The following MPP7 variants were observed in gnomAD, a reference collection of about 807,000 sequenced individuals.
MPP7 encodes the protein MAGUK p55 scaffold protein 7, also known as MAGUK p55 subfamily member 7.
MPP7 carries 60 observed loss-of-function variants against 76.5 expected under a neutral mutation model. The observed-to-expected ratio is 0.78, with a 90% CI of 0.64 to 0.97. MPP7 has a LOEUF of 0.97. Ranked by LOEUF, MPP7 falls within the 50% of genes least tolerant of loss-of-function variation. The pLI is 0.00. For missense variants in MPP7, 641 were observed against 694.0 expected, an observed-to-expected ratio of 0.92 and a Z score of 0.86; for synonymous variants, 237 against 244.5, an observed-to-expected ratio of 0.97 and a Z score of 0.29.
chr10:28,076,999 G>A (rs1318915734), intron 12 of MPP7, among the ~76,000 whole-genome samples: 3 of 151,144 alleles, frequency 2.0e-5, no homozygotes, highest in South Asian at 2.1e-4. Context: ...TCTCAGCTCC[G>A]GAGTGACTGC....
Position 28,089,693 on chromosome 10 carries a change from T to C in MPP7, c.1101A>G (p.Lys367=). 6.2e-7 allele frequency: 1 copy of C among 1,613,592 alleles called. No individual in the cohort carries two copies. Among genetic ancestry groups the C allele is most frequent in the South Asian group, 1.1e-5 (1 of 90,974 alleles). ...VTPYRRQTNE[K]YRLVVLVGPV... is the part of the protein sequence containing the mutation. The stretch of plus-strand genomic sequence containing the variant: ...TACCAACCAAGACAACGAGTCTGTA[T>C]TTTTCATTAGTTTGTCGCCGATACG... Residue 367 remains lysine, a synonymous_variant, in exon 12 of 17, where the codon AAA becomes AAG. Transcript: ENST00000683449.
At chr10:28,257,819 A>T (rs1320570787) in intron 1 of MPP7, among the ~76,000 whole-genome samples, 1 of 151,992 alleles carries the variant, frequency 6.6e-6, no homozygotes, top group African/African-American at 2.4e-5. Context: ...CTATGTCTGT[A>T]ATAGCTACAT....
chr10:28,057,602 C>CTTTTT (rs1564608908), intron 15 of MPP7: 2 of 311,474 alleles, frequency 6.4e-6, no homozygotes, highest in African/African-American at 7.3e-5. Context: ...GCCAATTAAA[C>CTTTTT]CTCTTTTTTT....
At chr10:28,275,569 G>T (rs540678088) in intron 1 of MPP7, among the ~76,000 whole-genome samples, 6 of 152,028 alleles carry the variant, frequency 3.9e-5, no homozygotes, top group African/African-American at 9.6e-5. Flanking sequence ...ACCACGCCTG[G>T]CTAATTTTTA....
intron 14 of MPP7, among the ~76,000 whole-genome samples, chr10:28,058,938 G>A (rs940529818): frequency 1.3e-5 from 2 of 152,158 alleles, no homozygotes; most frequent in African/African-American, 4.8e-5. Context: ...GAAACTACTG[G>A]AATTTCATTG....
At chr10:28,089,492 A>G (rs575264077) in intron 12 of MPP7, among the ~76,000 whole-genome samples, 179 bp downstream of exon 12, 6 of 152,254 alleles carry the variant, frequency 3.9e-5, no homozygotes. Flanking sequence ...AAATGTCTTA[A>G]AAGTCTCTGC....
chr10:28,125,733 T>C (rs1834996879), intron 6 of MPP7, among the ~76,000 whole-genome samples: 1 of 152,208 alleles, frequency 6.6e-6, no homozygotes, highest in South Asian at 2.1e-4. Context: ...TCTTACTCCA[T>C]GGTTTTAGTG....
At chr10:28,277,349 T>C (rs533334597) in intron 1 of MPP7, among the ~76,000 whole-genome samples, 2 of 150,062 alleles carry the variant, frequency 1.3e-5, no homozygotes, top group African/African-American at 4.9e-5. Context: ...CTAATACTAA[T>C]GATAGCTGAC....
chr10:28,136,718 G>C (rs1835364923), intron 5 of MPP7, among the ~76,000 whole-genome samples: 1 of 151,986 alleles, frequency 6.6e-6, no homozygotes, highest in South Asian at 2.1e-4. Flanking sequence ...TAAGAAAAAA[G>C]TACACTGAAT....
intron 1 of MPP7, among the ~76,000 whole-genome samples, chr10:28,257,929 T>G (rs1331885720): frequency 6.6e-6 from 1 of 152,070 alleles, no homozygotes. Context: ...GGCTTCTCAA[T>G]GAGAAAAGGG....
intron 1 of MPP7, among the ~76,000 whole-genome samples, chr10:28,267,781 ATTCCAGCACT>A (rs1013512830): frequency 1.4e-4 from 21 of 152,200 alleles, no homozygotes; most frequent in African/African-American, 5.1e-4. Flanking sequence ...CACACCTGTA[ATTCCAGCACT>A]TTGGGAGGCT....
chr10:28,128,359 T>A (rs1011291237), intron 6 of MPP7, among the ~76,000 whole-genome samples: 3 of 152,048 alleles, frequency 2.0e-5, no homozygotes, highest in Non-Finnish European at 2.9e-5. Flanking sequence ...AATCTAAGAG[T>A]CTCCAATGAC....
chr10:28,291,400 G>A (rs927128645), intron 1 of MPP7, among the ~76,000 whole-genome samples: 1 of 152,184 alleles, frequency 6.6e-6, no homozygotes, highest in Non-Finnish European at 1.5e-5. Context: ...GAGGCCAGGA[G>A]ATTAAGACCA....
intron 8 of MPP7, 140 bp downstream of exon 8, chr10:28,123,891 C>T (rs1352162348): frequency 1.3e-5 from 8 of 612,602 alleles, no homozygotes; most frequent in South Asian, 9.8e-5. Context: ...AGATATTTTC[C>T]AAGAACACAC....
intron 2 of MPP7, among the ~76,000 whole-genome samples, chr10:28,230,745 G>A (rs765535092): frequency 1.3e-5 from 2 of 152,184 alleles, no homozygotes; most frequent in Non-Finnish European, 2.9e-5. Flanking sequence ...GAACCCGGGA[G>A]GCGGAGGTTG....
intron 5 of MPP7, among the ~76,000 whole-genome samples, chr10:28,141,913 C>T (rs974688908): frequency 2.0e-5 from 3 of 151,684 alleles, no homozygotes; most frequent in African/African-American, 7.3e-5. Flanking sequence ...ACCAAGAGTT[C>T]AAAACAGATT....
intron 2 of MPP7, among the ~76,000 whole-genome samples, chr10:28,203,562 A>G (rs1837853164): frequency 6.6e-6 from 1 of 151,152 alleles, no homozygotes; most frequent in South Asian, 2.1e-4. Flanking sequence ...TTTTACATCT[A>G]TTCCCTTAAA....
At chr10:28,254,004 G>GAAAAAAAAAAAAAAAAAAAAAAAAAA (rs199511617) in intron 1 of MPP7, among the ~76,000 whole-genome samples, 2 of 92,318 alleles carry the variant, frequency 2.2e-5, no homozygotes, top group Non-Finnish European at 4.1e-5. Flanking sequence ...TCACAAAAAA[G>GAAAAAAAAAAAAAAAAAAAAAAAAAA]AAAAAAAAAA....
At chr10:28,298,776 A>G (rs549991242) in intron 1 of MPP7, among the ~76,000 whole-genome samples, 62 of 152,336 alleles carry the variant, frequency 4.1e-4, no homozygotes, top group African/African-American at 1.3e-3. Context: ...TCTGTTGTTC[A>G]GTGTAGCCAC....
Sources: allele counts gnomAD v4.1 joint callset (sites outside exome capture counted in the v4.1 genomes callset), GRCh38; gene constraint gnomAD v4.1.1; transcripts MANE v1.5; gene names NCBI Gene and HGNC (gene_info 2026-07-23, HGNC 2026-07-21).